Variants in WWOX observed in about 807,000 individuals in gnomAD.
WWOX encodes WW domain-containing oxidoreductase.
A neutral mutation model predicts 46.2 loss-of-function variants in WWOX; 69 were observed. That is an observed-to-expected ratio of 1.49 (90% confidence interval 1.23 to 1.82). WWOX has a LOEUF of 1.82. WWOX is among the 40% of genes most tolerant of loss of function. The pLI is 0.00. For synonymous variants in WWOX, 359 were observed against 202.6 expected (o/e 1.77, Z -6.56); for missense variants, 919 against 542.6 (o/e 1.69, Z -6.89).
At chr16:78,406,220 G>T (rs545138655) in intron 6 of WWOX, among the ~76,000 whole-genome samples, 19 of 145,540 alleles carry the variant, frequency 1.3e-4, no homozygotes, top group African/African-American at 4.5e-4. Context: ...CCAATTTTAA[G>T]AAATCCTTTA....
intron 8 of WWOX, among the ~76,000 whole-genome samples, chr16:78,998,879 C>G (rs2047040558): frequency 6.6e-6 from 1 of 152,172 alleles, no homozygotes; most frequent in Non-Finnish European, 1.5e-5. Flanking sequence ...TTATGCCTGG[C>G]AGGGGCGGTG....
At chr16:78,963,576 G>T (rs941239354) in intron 8 of WWOX, among the ~76,000 whole-genome samples, 1 of 152,184 alleles carries the variant, frequency 6.6e-6, no homozygotes, top group Non-Finnish European at 1.5e-5. Context: ...CTGAATTAGA[G>T]TTCAGTATTT....
At chr16:78,185,029 A>G (rs1409686783) in intron 5 of WWOX, among the ~76,000 whole-genome samples, 1 of 152,144 alleles carries the variant, frequency 6.6e-6, no homozygotes, top group Non-Finnish European at 1.5e-5. Context: ...GGATGTTGTG[A>G]CAGAGGAAGA....
chr16:78,892,748 C>T (rs1328064034), intron 8 of WWOX, among the ~76,000 whole-genome samples: 1 of 152,144 alleles, frequency 6.6e-6, no homozygotes, highest in Non-Finnish European at 1.5e-5. Flanking sequence ...TTGATGGCAT[C>T]CCACAACTTT....
intron 8 of WWOX, among the ~76,000 whole-genome samples, chr16:78,457,379 C>G (rs775982629): frequency 9.2e-5 from 14 of 152,192 alleles, no homozygotes; most frequent in African/African-American, 3.1e-4. Context: ...AAGTACAGGT[C>G]TTTAGATAGA....
chr16:78,560,364 C>T (rs1289190597), intron 8 of WWOX, among the ~76,000 whole-genome samples: 6 of 152,148 alleles, frequency 3.9e-5, no homozygotes, highest in African/African-American at 1.2e-4. Context: ...CATTAGTGGC[C>T]AGGTGCGGTG....
At chr16:78,618,584 C>T (rs922322947) in intron 8 of WWOX, among the ~76,000 whole-genome samples, 1 of 152,192 alleles carries the variant, frequency 6.6e-6, no homozygotes, top group Admixed American at 6.5e-5. Context: ...AACACAGTCA[C>T]ATTGTGAGGT....
chr16:78,599,170 C>T (rs544902958), intron 8 of WWOX, among the ~76,000 whole-genome samples: 2 of 152,164 alleles, frequency 1.3e-5, no homozygotes, highest in African/African-American at 2.4e-5. Flanking sequence ...CCTCCAGTCC[C>T]GGGATCAAGA....
intron 8 of WWOX, among the ~76,000 whole-genome samples, chr16:79,157,326 A>G (rs990540849): frequency 1.3e-5 from 2 of 151,772 alleles, no homozygotes; most frequent in East Asian, 3.9e-4. Flanking sequence ...TACCATCTCT[A>G]TTCTGGGCTT....
intron 8 of WWOX, among the ~76,000 whole-genome samples, chr16:79,041,848 T>C (rs2047977628): frequency 6.6e-6 from 1 of 152,120 alleles, no homozygotes; most frequent in African/African-American, 2.4e-5. Context: ...ATAACTTACA[T>C]TCAACCTCTG....
intron 5 of WWOX, among the ~76,000 whole-genome samples, chr16:78,303,945 C>T (rs981092015): frequency 5.9e-5 from 9 of 152,210 alleles, no homozygotes; most frequent in East Asian, 1.9e-4. Context: ...TGAATCTATA[C>T]GCAATTCTAG....
At chr16:78,926,403 A>C (rs2045499368) in intron 8 of WWOX, among the ~76,000 whole-genome samples, 1 of 152,086 alleles carries the variant, frequency 6.6e-6, no homozygotes, top group Non-Finnish European at 1.5e-5. Flanking sequence ...TAAGAAAATA[A>C]AGCCTGGCCC....
At chr16:78,176,981 C>T (rs964010860) in intron 5 of WWOX, among the ~76,000 whole-genome samples, 3 of 152,158 alleles carry the variant, frequency 2.0e-5, no homozygotes, top group African/African-American at 7.2e-5. Flanking sequence ...ATCAGTGTCA[C>T]TTGAGAGCTT....
rs552803531 is a variant in WWOX at position 78,962,629 on chromosome 16, G to A, written c.1057-248979G>A. Among the ~76,000 whole-genome samples, 37 of 152,268 alleles carry A rather than the reference G, an allele frequency of 2.4e-4. 1 individual carries two copies. The highest frequency in any genetic ancestry group is 2.0e-3 in the Admixed American group (30 of 15,302). Reference sequence around the variant, plus strand: ...GGAGGGCATTCAGAAAATGTGAGCTGCTTGCATCAGAATCTAACTTGAGAT... The same window carrying A: ...GGAGGGCATTCAGAAAATGTGAGCTACTTGCATCAGAATCTAACTTGAGAT... On this transcript the variant is annotated intron_variant, in intron 8 of 8. Transcript: ENST00000566780.
chr16:79,156,022 T>C (rs1213262302), intron 8 of WWOX, among the ~76,000 whole-genome samples: 2 of 151,828 alleles, frequency 1.3e-5, no homozygotes, highest in Admixed American at 6.6e-5. Flanking sequence ...AAGAGAAAAA[T>C]AGTTAGTTTA....
intron 8 of WWOX, among the ~76,000 whole-genome samples, chr16:78,950,840 A>C (rs1354402093): frequency 6.6e-6 from 1 of 152,192 alleles, no homozygotes; most frequent in Non-Finnish European, 1.5e-5. Flanking sequence ...CTTTTGAAGC[A>C]GGGGCTCTGA....
intron 5 of WWOX, among the ~76,000 whole-genome samples, chr16:78,246,339 C>T (rs573495533): frequency 3.1e-4 from 47 of 152,342 alleles, no homozygotes; most frequent in African/African-American, 1.1e-3. Context: ...CATATACTAA[C>T]ATGCAAAAGA....
chr16:79,084,664 C>T (rs138855751), intron 8 of WWOX, among the ~76,000 whole-genome samples: 112 of 152,322 alleles, frequency 7.4e-4, no homozygotes, highest in South Asian at 2.1e-4. Context: ...GCACCCGCAT[C>T]GGCCTCCCAA....
intron 7 of WWOX, among the ~76,000 whole-genome samples, chr16:78,428,147 C>T (rs1250957353): frequency 3.3e-5 from 5 of 152,312 alleles, no homozygotes; most frequent in African/African-American, 1.2e-4. Flanking sequence ...GGTCCCCCTA[C>T]AAAGCAAGTG....
Sources: gnomAD v4.1 joint callset for allele counts (sites outside exome capture counted in the v4.1 genomes callset) on GRCh38, gnomAD v4.1.1 for gene constraint, MANE v1.5 for transcripts, NCBI Gene and HGNC (gene_info 2026-07-23, HGNC 2026-07-21) for gene names.